RFX3: variants seen among roughly 807,000 people sequenced by gnomAD.
RFX3 encodes the protein transcription factor RFX3.
In RFX3, 14 loss-of-function variants were observed where a neutral mutation model predicts 98.6. The ratio of observed to expected loss-of-function variants is 0.14; its 90% CI spans 0.09 to 0.22. The LOEUF is 0.22. Among genes scored for constraint, RFX3 ranks in the 10% least tolerant of loss-of-function variants. The probability of loss-of-function intolerance (pLI) is 1.00; values close to 1 mark genes in which losing one functional copy is unlikely to be tolerated. For missense variants in RFX3, 639 were observed against 926.9 expected (o/e 0.69, Z 4.03); for synonymous variants, 383 against 328.4 (o/e 1.17, Z -1.80).
At chr9:3,458,943 A>G (rs1847445271) in intron 1 of RFX3, among the ~76,000 whole-genome samples, 1 of 152,188 alleles carries the variant, frequency 6.6e-6, no homozygotes, top group African/African-American at 2.4e-5. Context: ...ATAGTATTGA[A>G]AACATTCCTG....
intron 15 of RFX3, among the ~76,000 whole-genome samples, chr9:3,240,518 T>C (rs7040121): frequency 0.3 from 45,600 of 152,076 alleles, 6,886 homozygotes; most frequent in African/African-American, 0.32. Context: ...AGAGTGGCAG[T>C]GTAGAAACAT....
At chr9:3,346,413 T>C (rs751277886) in intron 3 of RFX3, among the ~76,000 whole-genome samples, 3 of 152,168 alleles carry the variant, frequency 2.0e-5, no homozygotes, top group East Asian at 1.9e-4. Flanking sequence ...TTTCTCTACA[T>C]AGGAAGAACT....
intron 4 of RFX3, among the ~76,000 whole-genome samples, chr9:3,310,989 T>C (rs1202702106): frequency 1.3e-5 from 2 of 152,186 alleles, no homozygotes; most frequent in African/African-American, 4.8e-5. Context: ...TGTAAAATGA[T>C]GAAGTTACTA....
intron 14 of RFX3, among the ~76,000 whole-genome samples, chr9:3,250,992 A>C (rs1466227109): frequency 6.6e-6 from 1 of 152,170 alleles, no homozygotes; most frequent in Non-Finnish European, 1.5e-5. Flanking sequence ...AACTTATCCA[A>C]AGATATACGT....
intron 2 of RFX3, among the ~76,000 whole-genome samples, chr9:3,379,669 T>C (rs542684420): frequency 6.6e-6 from 1 of 152,040 alleles, no homozygotes. Flanking sequence ...CACATACACC[T>C]GCACACACAC....
chr9:3,441,270 T>C (rs925100645), intron 1 of RFX3, among the ~76,000 whole-genome samples: 9 of 152,082 alleles, frequency 5.9e-5, no homozygotes, highest in African/African-American at 2.2e-4. Flanking sequence ...TGAACGCATA[T>C]TTAGTTTAAT....
At chr9:3,490,791 T>A (rs1036233501) in intron 1 of RFX3, among the ~76,000 whole-genome samples, 1 of 152,118 alleles carries the variant, frequency 6.6e-6, no homozygotes, top group African/African-American at 2.4e-5. Context: ...ATTTGCTCAT[T>A]CCTTAAAAAT....
At chr9:3,324,844 A>C (rs1233355289) in intron 4 of RFX3, among the ~76,000 whole-genome samples, 2 of 151,968 alleles carry the variant, frequency 1.3e-5, no homozygotes, top group Admixed American at 1.3e-4. Flanking sequence ...GACACCTGTA[A>C]TCCCAGCTAC....
At chr9:3,483,357 C>T (rs1302459669) in intron 1 of RFX3, among the ~76,000 whole-genome samples, 1 of 152,166 alleles carries the variant, frequency 6.6e-6, no homozygotes, top group Non-Finnish European at 1.5e-5. Flanking sequence ...AATAGTGTCC[C>T]TGTTGAGACA....
chr9:3,254,026 T>C (rs1586752808), intron 14 of RFX3, among the ~76,000 whole-genome samples: 1 of 152,174 alleles, frequency 6.6e-6, no homozygotes, highest in East Asian at 1.9e-4. Flanking sequence ...GGCCCTGAAC[T>C]GTAGGCCTTC....
chr9:3,371,803 T>A (rs537511133), intron 2 of RFX3, among the ~76,000 whole-genome samples: 45 of 152,306 alleles, frequency 3.0e-4, no homozygotes, highest in Middle Eastern at 6.8e-3. Flanking sequence ...AGGAATACTA[T>A]GGGAACAGAC....
intron 1 of RFX3, among the ~76,000 whole-genome samples, chr9:3,503,273 T>C (rs915366639): frequency 1.3e-5 from 2 of 152,088 alleles, no homozygotes; most frequent in Admixed American, 1.3e-4. Flanking sequence ...GAAACCTAGA[T>C]TAAAAATAAA....
chr9:3,452,418 C>T, intron 1 of RFX3: 1 of 249,958 alleles, frequency 4.0e-6, no homozygotes, highest in South Asian at 3.8e-5. Context: ...TACGGAGACA[C>T]CAGGTCTATA....
At chr9:3,445,680 G>A (rs1164408486) in intron 1 of RFX3, among the ~76,000 whole-genome samples, 5 of 151,800 alleles carry the variant, frequency 3.3e-5, no homozygotes, top group Non-Finnish European at 5.9e-5. Flanking sequence ...GATGGCTTTC[G>A]TGCCTTATAA....
chr9:3,342,771 T>C (rs777358902), intron 3 of RFX3, among the ~76,000 whole-genome samples: 11 of 152,228 alleles, frequency 7.2e-5, no homozygotes, highest in Non-Finnish European at 1.5e-4. Context: ...AGTATTCTAA[T>C]TGATTAAATA....
At chr9:3,378,980 C>T (rs1008460018) in intron 2 of RFX3, among the ~76,000 whole-genome samples, 1 of 152,080 alleles carries the variant, frequency 6.6e-6, no homozygotes, top group African/African-American at 2.4e-5. Flanking sequence ...GGAGTGTGTG[C>T]CTGTACATAT....
intron 4 of RFX3, among the ~76,000 whole-genome samples, chr9:3,305,043 G>C (rs1829113133): frequency 6.6e-6 from 1 of 151,976 alleles, no homozygotes; most frequent in African/African-American, 2.4e-5. Flanking sequence ...CAGACTCTCT[G>C]AATTCAAAAC....
chr9:3,374,398 CA>C (rs1838216568), intron 2 of RFX3, among the ~76,000 whole-genome samples: 1 of 151,574 alleles, frequency 6.6e-6, no homozygotes, highest in African/African-American at 2.4e-5. Flanking sequence ...TCATAATTCC[CA>C]ATAGTACAGC....
intron 9 of RFX3, among the ~76,000 whole-genome samples, chr9:3,274,110 G>A (rs1824889723): frequency 6.6e-6 from 1 of 152,106 alleles, no homozygotes; most frequent in Admixed American, 6.6e-5. Flanking sequence ...AGGAATGTTG[G>A]GAACTGGTAG....
Sources: gnomAD v4.1 joint callset for allele counts (sites outside exome capture counted in the v4.1 genomes callset) on GRCh38, gnomAD v4.1.1 for gene constraint, MANE v1.5 for transcripts, NCBI Gene and HGNC (gene_info 2026-07-23, HGNC 2026-07-21) for gene names.